PLOD1: variants seen among roughly 807,000 people sequenced by gnomAD.
PLOD1 encodes procollagen-lysine,2-oxoglutarate 5-dioxygenase 1, also known as lysine hydroxylase.
A neutral mutation model predicts 94.7 loss-of-function variants in PLOD1; 70 were observed. The observed-to-expected ratio is 0.74, with a 90% CI of 0.61 to 0.90. The LOEUF (loss-of-function observed/expected upper bound fraction) is 0.90, where lower values mean the gene tolerates loss of function less well. Among genes scored for constraint, PLOD1 ranks in the 40% least tolerant of loss-of-function variants. The pLI is 0.00. For missense variants in PLOD1, 905 were observed against 972.7 expected (o/e 0.93, Z 0.93); for synonymous variants, 417 against 400.2 (o/e 1.04, Z -0.50).
chr1:11,954,537 A>AGGT (rs761083286), intron 5 of PLOD1: 7 of 681,604 alleles, frequency 1.0e-5, no homozygotes, highest in South Asian at 6.9e-5. Context: ...AGTGCTTGGC[A>AGGT]GGTGCTGGTT....
intron 16 of PLOD1, 101 bp from the exon 17 acceptor site, chr1:11,970,569 A>C: frequency 1.9e-6 from 2 of 1,075,094 alleles, no homozygotes; most frequent in Non-Finnish European, 2.8e-6. Flanking sequence ...TTTGTCATGT[A>C]ATGTGGTCCG....
intron 1 of PLOD1, among the ~76,000 whole-genome samples, chr1:11,940,013 C>T (rs1335567331): frequency 6.6e-6 from 1 of 152,146 alleles, no homozygotes; most frequent in Non-Finnish European, 1.5e-5. Context: ...ATCATCCCCA[C>T]CTTGGCCCCC....
At chr1:11,968,951 GAGTTC>G (rs1363419739) in intron 16 of PLOD1, among the ~76,000 whole-genome samples, 1 of 149,230 alleles carries the variant, frequency 6.7e-6, no homozygotes. Flanking sequence ...TCTGCCTCCT[GAGTTC>G]AAGTGATTCT....
intron 5 of PLOD1, chr1:11,954,312 A>C (rs1645723169): frequency 2.0e-5 from 2 of 101,582 alleles, no homozygotes; most frequent in South Asian, 2.3e-4. Flanking sequence ...ATCTCTAGCA[A>C]AAAAAAAAAA....
intron 1 of PLOD1, among the ~76,000 whole-genome samples, chr1:11,945,394 C>T (rs1299784202): frequency 2.7e-5 from 4 of 150,718 alleles, no homozygotes; most frequent in African/African-American, 9.8e-5. Flanking sequence ...CTCTGCACTC[C>T]AGCCTGGGCA....
chr1:11,944,938 G>A (rs1054747715), intron 1 of PLOD1, among the ~76,000 whole-genome samples: 7 of 152,256 alleles, frequency 4.6e-5, no homozygotes, highest in African/African-American at 1.7e-4. Flanking sequence ...TGGCCACCAG[G>A]TGAGAAGTGT....
At position 11,965,469 on chromosome 1, in the gene PLOD1, G is replaced by C. The variant is rs1028017734; in HGVS notation, c.1471-11G>C. 6 of 1,567,442 alleles carry C rather than the reference G, an allele frequency of 3.8e-6. No individual in the cohort carries two copies. Among genetic ancestry groups the C allele is most frequent in the Non-Finnish European group, 5.3e-6 (6 of 1,138,294 alleles). On this transcript the variant is annotated splice_polypyrimidine_tract_variant and intron_variant, in intron 13 of 18. Transcript: ENST00000196061. Reference sequence around the variant, plus strand: ...GGGGAGCGCCTCTTCCACCGGGCCTGTCCTCCCCAGGATGTGTTCATGTTC... The same window carrying C: ...GGGGAGCGCCTCTTCCACCGGGCCTCTCCTCCCCAGGATGTGTTCATGTTC...
chr1:11,958,059 A>T lies in PLOD1; in HGVS notation c.843+116A>T. The T allele has an allele frequency of 1.3e-6, 1 of 765,196 alleles. No homozygotes were observed. Among genetic ancestry groups the T allele is most frequent in the South Asian group, 1.5e-5 (1 of 66,388 alleles). The allele number at this position is 765,196 out of a possible 1,614,324, so 47.4% of individuals were successfully genotyped here. On this transcript the variant is annotated intron_variant, in intron 8 of 18. Transcript: ENST00000196061. The surrounding 1 kb of genome is among the most constrained non-coding windows in gnomAD (Gnocchi z 4.3). The stretch of plus-strand genomic sequence containing the variant: ...GTCTTTGGTGGAAAGTGAAGGGGTC[A>T]CCTCCCTGCCTGGGGTTCTATCCCG...
At position 11,957,172 on chromosome 1, in the gene PLOD1, G is replaced by T; in HGVS notation, c.741+158G>T. On this transcript the variant is annotated intron_variant, in intron 7 of 18. Transcript: ENST00000196061. This position sits in a 1 kb window ranked among gnomAD's most constrained non-coding sequence, Gnocchi z 4.1. ...TCCTCACATCTGAGCTCAGCGTGATGCCTTCTTTTCCTGCTGTGGTGGTCA... is the reference window on the plus strand; with the variant it reads ...TCCTCACATCTGAGCTCAGCGTGATTCCTTCTTTTCCTGCTGTGGTGGTCA... 1.3e-6 allele frequency: 1 copy of T among 767,172 alleles called. No homozygotes were observed. 47.5% of individuals were successfully genotyped at this position (767,172 alleles called of 1,614,324 possible). A position where few individuals can be genotyped will look rare whatever the true frequency, so the allele number is the denominator to read the frequency against.
Position 11,964,064 on chromosome 1 carries a change from G to C in PLOD1, c.1203-111G>C. 4 of 1,122,056 alleles carry C rather than the reference G, an allele frequency of 3.6e-6. No individual in the cohort carries two copies. The South Asian group carries it at 4.9e-5, about 14-fold the overall frequency. 69.5% of individuals were successfully genotyped at this position (1,122,056 alleles called of 1,614,324 possible). On this transcript the variant is annotated intron_variant, in intron 11 of 18. Coordinates refer to ENST00000196061, the MANE Select transcript of PLOD1 (RefSeq NM_000302.4). ...ACTGCCTGTCTCAGTGAGGTGCTTG[G>C]GGATCCCTGCGTGCAGGTTGAGGGG...
Position 11,975,048 on chromosome 1 carries a change from C to A in PLOD1, c.*240C>A. 1.7e-6 allele frequency: 1 copy of A among 585,372 alleles called. No individual in the cohort carries two copies. The highest frequency in any genetic ancestry group is 2.9e-5 in the East Asian group (1 of 34,102). 36.3% of individuals were successfully genotyped at this position (585,372 alleles called of 1,614,324 possible). A position where few individuals can be genotyped will look rare whatever the true frequency, so the allele number is the denominator to read the frequency against. On this transcript the variant is annotated 3_prime_UTR_variant, in exon 19 of 19. Coordinates refer to ENST00000196061, the MANE Select transcript of PLOD1 (RefSeq NM_000302.4). ...ACCCAGCCCCTGGAGACACCATTCACTTTTACTGCTTTGTAGTGACTCGTG... is the reference window on the plus strand; with the variant it reads ...ACCCAGCCCCTGGAGACACCATTCAATTTTACTGCTTTGTAGTGACTCGTG...
chr1:11,954,961 G>A lies in PLOD1; in HGVS notation c.643+68G>A, dbSNP rs775042399. On this transcript the variant is annotated intron_variant, in intron 6 of 18. Transcript: ENST00000196061. Reference sequence around the variant, plus strand: ...ATAGGAAGAATTCCAGGCAGGGCCCGAGCCCAGGGAGGAGAAATGGGCTGC... The same window carrying A: ...ATAGGAAGAATTCCAGGCAGGGCCCAAGCCCAGGGAGGAGAAATGGGCTGC... The A allele has an allele frequency of 8.1e-4, 1,000 of 1,232,510 alleles. 1 individual carries two copies. Among genetic ancestry groups the A allele is most frequent in the Middle Eastern group, 4.4e-3 (20 of 4,504 alleles). The allele number at this position is 1,232,510 out of a possible 1,614,324, so 76.3% of individuals were successfully genotyped here.
intron 1 of PLOD1, among the ~76,000 whole-genome samples, chr1:11,936,596 C>T (rs866767648): frequency 6.6e-6 from 1 of 152,086 alleles, no homozygotes; most frequent in African/African-American, 2.4e-5. Flanking sequence ...GACCTTGGCT[C>T]ACTGCAACCT....
chr1:11,974,096 G>A (rs1645885211), intron 18 of PLOD1, among the ~76,000 whole-genome samples: 1 of 152,118 alleles, frequency 6.6e-6, no homozygotes, highest in Non-Finnish European at 1.5e-5. Context: ...TTTACAGAAG[G>A]GGAAACTGAA....
intron 1 of PLOD1, among the ~76,000 whole-genome samples, chr1:11,938,174 A>AC (rs150358011): frequency 0.56 from 84,221 of 150,948 alleles, 24,545 homozygotes; most frequent in African/African-American, 0.71. Flanking sequence ...GCTGGTCTCA[A>AC]TCCTGACCTC....
At position 11,940,367 on chromosome 1, in the gene PLOD1, C is replaced by A. The variant is rs113412758; in HGVS notation, c.76+5512C>A. On this transcript the variant is annotated intron_variant, in intron 1 of 18. Coordinates refer to ENST00000196061, the MANE Select transcript of PLOD1 (RefSeq NM_000302.4). ...AAGGCAGCTCCCCTTTATTCCTGACCCCCAGGGCAGCATCTACCAAGACAC... is the reference window on the plus strand; with the variant it reads ...AAGGCAGCTCCCCTTTATTCCTGACACCCAGGGCAGCATCTACCAAGACAC... Among the ~76,000 whole-genome samples the A allele has an allele frequency of 6.9e-3, 1,054 of 152,164 alleles. 9 individuals are homozygous for A. Among genetic ancestry groups the A allele is most frequent in the African/African-American group, 0.024 (998 of 41,502 alleles).
intron 2 of PLOD1, 136 bp from the exon 3 acceptor site, chr1:11,949,637 C>A: frequency 1.2e-6 from 1 of 823,592 alleles, no homozygotes; most frequent in Non-Finnish European, 2.0e-6. Flanking sequence ...CCAGTCTGGT[C>A]TTGAATTCCT....
chr1:11,947,919 T>C, intron 1 of PLOD1, 57 bp from the exon 2 acceptor site: 1 of 1,132,994 alleles, frequency 8.8e-7, no homozygotes, highest in East Asian at 2.3e-5. Flanking sequence ...AAAGACCTCC[T>C]CCCTGTCACC....
At chr1:11,970,526 G>T (rs1384451029) in intron 16 of PLOD1, 144 bp from the exon 17 acceptor site, 1 of 782,048 alleles carries the variant, frequency 1.3e-6, no homozygotes, top group Non-Finnish European at 2.2e-6. Flanking sequence ...AACTGATTAG[G>T]AGCCTTAATT....
Sources: allele counts gnomAD v4.1 joint callset (sites outside exome capture counted in the v4.1 genomes callset), GRCh38; gene constraint gnomAD v4.1.1; non-coding constraint Gnocchi (gnomAD v3.1); transcripts MANE v1.5; gene names NCBI Gene and HGNC (gene_info 2026-07-23, HGNC 2026-07-21).